ANKRD11: variants seen among roughly 807,000 people sequenced by gnomAD.
The protein encoded by ANKRD11 is ankyrin repeat domain 11.
Under a neutral mutation model 195.7 loss-of-function variants are expected in ANKRD11, and 17 were observed. The ratio of observed to expected loss-of-function variants is 0.09; its 90% CI spans 0.06 to 0.13. The LOEUF (loss-of-function observed/expected upper bound fraction) is 0.13, where lower values mean the gene tolerates loss of function less well. Among genes scored for constraint, ANKRD11 ranks in the 10% least tolerant of loss-of-function variants. The probability of loss-of-function intolerance (pLI) is 1.00; values close to 1 mark genes in which losing one functional copy is unlikely to be tolerated. For synonymous variants in ANKRD11, 1,953 were observed against 1,528.1 expected (o/e 1.28, Z -6.49); for missense variants, 3,735 against 3,566.1 (o/e 1.05, Z -1.21).
chr16:89,356,097 G>A (rs2039461158), intron 2 of ANKRD11, among the ~76,000 whole-genome samples: 2 of 152,186 alleles, frequency 1.3e-5, no homozygotes, highest in Non-Finnish European at 1.5e-5. Flanking sequence ...ATACAAGAAA[G>A]AATCTGGAAA....
At chr16:89,342,143 C>T (rs1263460405) in intron 2 of ANKRD11, among the ~76,000 whole-genome samples, 2 of 152,234 alleles carry the variant, frequency 1.3e-5, no homozygotes, top group Non-Finnish European at 2.9e-5. Flanking sequence ...TCTCTCAGGG[C>T]CCTTCTAGAT....
chr16:89,402,790 G>T (rs2041751892), intron 2 of ANKRD11, among the ~76,000 whole-genome samples: 1 of 146,042 alleles, frequency 6.8e-6, no homozygotes, highest in Admixed American at 6.9e-5. Flanking sequence ...GTGGGATGAG[G>T]TGAGGTGGGG....
chr16:89,385,621 C>G (rs1007076676), intron 2 of ANKRD11, among the ~76,000 whole-genome samples: 1 of 152,218 alleles, frequency 6.6e-6, no homozygotes, highest in Non-Finnish European at 1.5e-5. Context: ...ACAACACACT[C>G]ACGATGATGC....
intron 1 of ANKRD11, among the ~76,000 whole-genome samples, chr16:89,487,858 C>CT (rs1447572404): frequency 5.9e-5 from 9 of 152,320 alleles, no homozygotes; most frequent in South Asian, 4.1e-4. Context: ...TTCCTTCACT[C>CT]TATTTGTAGG....
intron 2 of ANKRD11, among the ~76,000 whole-genome samples, chr16:89,326,015 G>C (rs1359884509): frequency 3.3e-5 from 5 of 152,198 alleles, no homozygotes; most frequent in African/African-American, 1.2e-4. Flanking sequence ...CAGGGAGCTT[G>C]GAGCCTGACA....
intron 2 of ANKRD11, among the ~76,000 whole-genome samples, chr16:89,386,843 T>C (rs2040933482): frequency 1.3e-5 from 2 of 152,112 alleles, no homozygotes; most frequent in African/African-American, 2.4e-5. Context: ...CTCAGTCCTA[T>C]CACAGCCAGA....
chr16:89,414,794 G>A (rs1341327998), intron 2 of ANKRD11, among the ~76,000 whole-genome samples: 8 of 152,176 alleles, frequency 5.3e-5, no homozygotes, highest in African/African-American at 1.9e-4. Flanking sequence ...CCTAAGTCAC[G>A]CCCAGATGGG....
chr16:89,286,398 T>TGCAGCCGCGGGGGCTCCC, intron 7 of ANKRD11: 1 of 715,354 alleles, frequency 1.4e-6, no homozygotes, highest in African/African-American at 1.8e-5. Context: ...TGGGAAGGGC[T>TGCAGCCGCGGGGGCTCCC]GCAGCCGCGG....
intron 3 of ANKRD11, among the ~76,000 whole-genome samples, chr16:89,314,875 T>C (rs144868405): frequency 3.2e-3 from 480 of 152,240 alleles, no homozygotes; most frequent in Admixed American, 8.4e-3. Context: ...GGATCCTCTG[T>C]GAAGCGCAGG....
In ANKRD11 at chr16:89,280,342, C is replaced by A; in HGVS notation, c.6200G>T (p.Ser2067Ile). ...APPSGLESFF[S>I]NCKSLPEAPL... is the part of the protein sequence containing the mutation. ...GGCTTCCGGAAGTGACTTGCAGTTG[C>A]TGAAGAAGGACTCCAGCCCGGAGGG... is the stretch of plus-strand genomic sequence containing the variant. Residue 2067 changes from serine to isoleucine, a missense_variant, in exon 9 of 13, where the codon AGC becomes ATC. Ser to Ile is a moderately radical substitution (Grantham distance 142). Coordinates refer to ENST00000301030, the MANE Select transcript of ANKRD11 (RefSeq NM_013275.6). 1 of 1,577,448 alleles carries A rather than the reference C, an allele frequency of 6.3e-7. No individual in the cohort carries two copies. Among genetic ancestry groups the A allele is most frequent in the Non-Finnish European group, 8.6e-7 (1 of 1,161,850 alleles).
At chr16:89,435,254 A>C (rs1484083747) in intron 1 of ANKRD11, among the ~76,000 whole-genome samples, 3 of 152,178 alleles carry the variant, frequency 2.0e-5, no homozygotes, top group Non-Finnish European at 2.9e-5. Flanking sequence ...GTAAAAATGG[A>C]CCAATCAGCA....
intron 3 of ANKRD11, 84 bp from the exon 4 acceptor site, chr16:89,305,428 A>G: frequency 6.3e-7 from 1 of 1,586,686 alleles, no homozygotes; most frequent in Non-Finnish European, 8.6e-7. Context: ...TGCCAGGAGA[A>G]GCGCATCTCT....
chr16:89,340,344 C>T (rs1182131799), intron 2 of ANKRD11, among the ~76,000 whole-genome samples: 1 of 152,262 alleles, frequency 6.6e-6, no homozygotes, highest in Non-Finnish European at 1.5e-5. Context: ...GTGGCACCAT[C>T]TCGGCTCACT....
At chr16:89,272,802 C>A (rs770786776) in intron 11 of ANKRD11, 1 of 151,996 alleles carries the variant, frequency 6.6e-6, no homozygotes, top group Non-Finnish European at 1.5e-5. Context: ...ACATACACAA[C>A]GGAGTACTAT....
At chr16:89,278,358 G>A (rs1304525428) in intron 9 of ANKRD11, 1 of 365,652 alleles carries the variant, frequency 2.7e-6, no homozygotes, top group South Asian at 2.0e-5. Flanking sequence ...AGGGCAGAGA[G>A]TGCACAGGGC....
intron 1 of ANKRD11, among the ~76,000 whole-genome samples, chr16:89,441,619 T>C (rs367587471): frequency 1.3e-5 from 2 of 151,622 alleles, no homozygotes; most frequent in African/African-American, 2.4e-5. Flanking sequence ...TACAAAAAAT[T>C]AGCTGGGTGT....
chr16:89,383,311 C>T (rs1379705132), intron 2 of ANKRD11, among the ~76,000 whole-genome samples: 23 of 152,236 alleles, frequency 1.5e-4, no homozygotes, highest in Non-Finnish European at 4.4e-5. Context: ...CCCCTCCTAG[C>T]CATGCCTGCC....
At position 89,280,408 on chromosome 16, in the gene ANKRD11, G is replaced by A. The variant is rs746434534; in HGVS notation, c.6134C>T (p.Pro2045Leu). 4 of 1,562,550 alleles carry A rather than the reference G, an allele frequency of 2.6e-6. No individual in the cohort carries two copies. The highest frequency in any genetic ancestry group is 3.5e-6 in the Non-Finnish European group (4 of 1,154,584). The change falls in exon 9 of 13, where the codon CCC becomes CTC. Residue 2045 changes from proline to leucine, a missense_variant. Pro to Leu is a moderately conservative substitution (Grantham distance 98). Transcript: ENST00000301030. ...CGCCTCTGAGGTGGAGATGGCGGCG[G>A]GGACGGCGTCCACTCCGTCCTTGAC... is the stretch of plus-strand genomic sequence containing the variant. Reference protein sequence around the residue: ...EDVKDGVDAVPAAISTSEAAP... With the variant: ...EDVKDGVDAVLAAISTSEAAP...
chr16:89,438,018 C>T (rs549333941), intron 1 of ANKRD11, among the ~76,000 whole-genome samples: 2 of 152,320 alleles, frequency 1.3e-5, no homozygotes, highest in Non-Finnish European at 2.9e-5. Context: ...TATTTCTAGA[C>T]ACCAACACCA....
Sources: gnomAD v4.1 joint callset for allele counts (sites outside exome capture counted in the v4.1 genomes callset) on GRCh38, gnomAD v4.1.1 for gene constraint, MANE v1.5 for transcripts, NCBI Gene and HGNC (gene_info 2026-07-23, HGNC 2026-07-21) for gene names.